MAGI2: variants seen among roughly 807,000 people sequenced by gnomAD.
MAGI2 encodes the protein membrane-associated guanylate kinase, WW and PDZ domain-containing protein 2.
Under a neutral mutation model 133.3 loss-of-function variants are expected in MAGI2, and 35 were observed. The ratio of observed to expected loss-of-function variants is 0.26; its 90% CI spans 0.20 to 0.35. The LOEUF (loss-of-function observed/expected upper bound fraction) is 0.35. Among genes scored for constraint, MAGI2 ranks in the 10% least tolerant of loss-of-function variants. The pLI, the probability that MAGI2 is intolerant of heterozygous loss-of-function variation, is 1.00. For missense variants in MAGI2, 1,636 were observed against 1,863.4 expected (o/e 0.88, Z 2.25); for synonymous variants, 729 against 710.6 (o/e 1.03, Z -0.41).
intron 2 of MAGI2, among the ~76,000 whole-genome samples, chr7:78,660,299 ATTCTT>A (rs375902876): frequency 2.1e-4 from 32 of 152,252 alleles, no homozygotes; most frequent in African/African-American, 7.7e-4. Flanking sequence ...AAAAGACCCT[ATTCTT>A]TTCATTTGTG....
intron 20 of MAGI2, among the ~76,000 whole-genome samples, chr7:78,080,765 C>T (rs1815871415): frequency 6.6e-6 from 1 of 152,138 alleles, no homozygotes; most frequent in African/African-American, 2.4e-5. Context: ...ACCTTTCTCC[C>T]AAAGTGGTTC....
chr7:79,025,424 A>G (rs1809787553), intron 1 of MAGI2, among the ~76,000 whole-genome samples: 1 of 152,202 alleles, frequency 6.6e-6, no homozygotes, highest in Non-Finnish European at 1.5e-5. Context: ...TGGGTGATGA[A>G]GTAATTTGTA....
At chr7:79,407,819 A>G (rs907236421) in intron 1 of MAGI2, among the ~76,000 whole-genome samples, 1 of 152,070 alleles carries the variant, frequency 6.6e-6, no homozygotes, top group African/African-American at 2.4e-5. Flanking sequence ...AAAACATTTG[A>G]CACAATACCT....
intron 2 of MAGI2, among the ~76,000 whole-genome samples, chr7:78,891,719 G>A (rs1787723572): frequency 6.6e-6 from 1 of 152,112 alleles, no homozygotes; most frequent in African/African-American, 2.4e-5. Context: ...GGTACTGATG[G>A]GACGTATTTC....
At chr7:78,397,261 G>C (rs1490973077) in intron 6 of MAGI2, among the ~76,000 whole-genome samples, 3 of 151,922 alleles carry the variant, frequency 2.0e-5, no homozygotes, top group Non-Finnish European at 4.4e-5. Flanking sequence ...ATAGGAAAAA[G>C]AAGAAGCAGA....
intron 1 of MAGI2, among the ~76,000 whole-genome samples, chr7:79,263,023 T>G (rs1834190429): frequency 6.6e-6 from 1 of 152,180 alleles, no homozygotes; most frequent in South Asian, 2.1e-4. Context: ...GGCTTATATA[T>G]CATCATATCT....
intron 2 of MAGI2, among the ~76,000 whole-genome samples, chr7:78,894,662 A>C (rs1797062768): frequency 6.6e-6 from 1 of 152,192 alleles, no homozygotes; most frequent in Admixed American, 6.5e-5. Context: ...AAGATTAAAA[A>C]TAGATTTTTG....
At chr7:78,048,441 G>C (rs3807770) in intron 21 of MAGI2, among the ~76,000 whole-genome samples, 1 of 152,070 alleles carries the variant, frequency 6.6e-6, no homozygotes, top group Non-Finnish European at 1.5e-5. Context: ...CTTCTTCCTC[G>C]TTGTTCCTCA....
chr7:78,256,417 G>A lies in MAGI2; in HGVS notation c.1573C>T (p.Pro525Ser), dbSNP rs1792982463. 6.2e-7 allele frequency: 1 copy of A among 1,613,770 alleles called. No homozygotes were observed. The highest frequency in any genetic ancestry group is 1.3e-5 in the African/African-American group (1 of 74,896). The change falls in exon 10 of 22, where the codon CCA becomes TCA. Residue 525 changes from proline to serine, a missense_variant. By Grantham distance (74) the Pro-to-Ser change is moderately conservative. Around this residue, in one of 5 missense-constraint regions of MAGI2, gnomAD observed 920 missense variants for 1,093.5 expected, o/e 0.84. Coordinates refer to ENST00000354212, the MANE Select transcript of MAGI2 (RefSeq NM_012301.4). ...DPEDPANSMV[P>S]PLAIMERPPP... ...GGCCTCTCCATTATTGCAAGGGGTG[G>A]CACCATGCTGTTAGCAGGGTCTTCA...
At chr7:78,181,430 T>C (rs1827178964) in intron 13 of MAGI2, among the ~76,000 whole-genome samples, 1 of 152,196 alleles carries the variant, frequency 6.6e-6, no homozygotes, top group South Asian at 2.1e-4. Context: ...AAAAAAATCT[T>C]CTTTTTCCTC....
chr7:78,552,435 G>A (rs1267794487), intron 3 of MAGI2, among the ~76,000 whole-genome samples: 1 of 151,938 alleles, frequency 6.6e-6, no homozygotes. Context: ...TGCCCGCCTC[G>A]GCCTCCCAAA....
At chr7:79,088,082 G>A (rs1816693448) in intron 1 of MAGI2, among the ~76,000 whole-genome samples, 1 of 152,052 alleles carries the variant, frequency 6.6e-6, no homozygotes. Context: ...ATTACTTTGG[G>A]CAGTATGGCC....
At chr7:78,677,876 G>A (rs1815220329) in intron 2 of MAGI2, among the ~76,000 whole-genome samples, 2 of 152,066 alleles carry the variant, frequency 1.3e-5, no homozygotes, top group African/African-American at 4.8e-5. Context: ...TACAGCGTCT[G>A]GGGGAGCTGT....
chr7:78,457,875 T>G (rs932745386), intron 6 of MAGI2, among the ~76,000 whole-genome samples: 1 of 152,208 alleles, frequency 6.6e-6, no homozygotes, highest in Non-Finnish European at 1.5e-5. Context: ...ACATTATACT[T>G]AGAAAAATAA....
At chr7:78,093,367 T>C (rs992845297) in intron 20 of MAGI2, among the ~76,000 whole-genome samples, 10 of 151,804 alleles carry the variant, frequency 6.6e-5, no homozygotes, top group Non-Finnish European at 2.9e-5. Flanking sequence ...GGCAGGAGAA[T>C]TGCTTGAACC....
chr7:78,232,437 T>C (rs1214551490), intron 10 of MAGI2, among the ~76,000 whole-genome samples: 1 of 152,210 alleles, frequency 6.6e-6, no homozygotes, highest in Admixed American at 6.5e-5. Context: ...AGCAAGGCTA[T>C]TTGGGGAAAC....
intron 1 of MAGI2, among the ~76,000 whole-genome samples, chr7:79,402,459 C>T (rs1474457918): frequency 6.6e-6 from 1 of 152,058 alleles, no homozygotes; most frequent in Non-Finnish European, 1.5e-5. Context: ...AATCCTCCTA[C>T]CACTTATTTA....
chr7:79,357,228 G>A (rs1320465985), intron 1 of MAGI2, among the ~76,000 whole-genome samples: 3 of 152,100 alleles, frequency 2.0e-5, no homozygotes, highest in Admixed American at 6.5e-5. Context: ...GAGTCAAATC[G>A]CCAACACTGT....
At chr7:79,003,222 G>C (rs1055725960) in intron 2 of MAGI2, among the ~76,000 whole-genome samples, 2 of 152,082 alleles carry the variant, frequency 1.3e-5, no homozygotes, top group Non-Finnish European at 2.9e-5. Context: ...GGTCTTTGGA[G>C]CCCTAGCTCT....
Sources: gnomAD v4.1 joint callset for allele counts (sites outside exome capture counted in the v4.1 genomes callset) on GRCh38, gnomAD v4.1.1 for gene constraint, gnomAD v4.1.1 regional missense constraint, MANE v1.5 for transcripts, NCBI Gene and HGNC (gene_info 2026-07-23, HGNC 2026-07-21) for gene names.